Variants in CBX6 observed in about 807,000 individuals in gnomAD.
CBX6 encodes the protein chromobox protein homolog 6.
A neutral mutation model predicts 28.4 loss-of-function variants in CBX6; 7 were observed. The observed-to-expected ratio is 0.25, with a 90% CI of 0.14 to 0.46. The LOEUF is 0.46. Ranked by LOEUF, CBX6 falls within the 20% of genes least tolerant of loss-of-function variation. The pLI, the probability that CBX6 is intolerant of heterozygous loss-of-function variation, is 0.99. For missense variants in CBX6, 512 were observed against 606.1 expected (o/e 0.84, Z 1.63); for synonymous variants, 297 against 273.4 (o/e 1.09, Z -0.85).
Position 38,864,820 on chromosome 22 carries a change from C to A in CBX6, c.*1389G>T, listed in dbSNP as rs113545257. 0.014 allele frequency: 2,087 copies of A among 152,462 alleles called. 53 individuals are homozygous for A. The highest frequency in any genetic ancestry group is 0.048 in the African/African-American group (1,986 of 41,576). 9.4% of individuals were successfully genotyped at this position (152,462 alleles called of 1,614,324 possible). On this transcript the variant is annotated 3_prime_UTR_variant, in exon 5 of 5. Coordinates refer to ENST00000407418, the MANE Select transcript of CBX6 (RefSeq NM_014292.5). Reference sequence around the variant, plus strand: ...CGGGAAGTGGCCCAGGGCTGGCCAGCGGGGCCCCGGTCCCAATTCTGGGAC... The same window carrying A: ...CGGGAAGTGGCCCAGGGCTGGCCAGAGGGGCCCCGGTCCCAATTCTGGGAC...
At position 38,866,338 on chromosome 22, in the gene CBX6, G is replaced by T. The variant is rs2093169314; in HGVS notation, c.1110C>A (p.Val370=). 1 of 1,613,854 alleles carries T rather than the reference G, an allele frequency of 6.2e-7. No individual in the cohort carries two copies. The highest frequency in any genetic ancestry group is 1.3e-5 in the African/African-American group (1 of 74,936). Residue 370 remains valine, a synonymous_variant, in exon 5 of 5, where the codon GTC becomes GTA. Transcript: ENST00000407418. The surrounding 1 kb of genome is among the most constrained non-coding windows in gnomAD (Gnocchi z 7.5). ...TCAGGAGGTTGCTGGTGACATCGGT[G>T]ACGACCACATTGGAGCAGGGTGACA... The part of the protein sequence containing the change: ...PEMSPCSNVV[V]TDVTSNLLTV...
In CBX6 at chr22:38,866,150, C is replaced by CAAG. The variant is rs1184476070; in HGVS notation, c.*56_*58dup. 19 of 1,234,642 alleles carry CAAG rather than the reference C, an allele frequency of 1.5e-5. No homozygotes were observed. In the East Asian group the frequency reaches 4.3e-4, roughly 28 times the overall value. The allele number at this position is 1,234,642 out of a possible 1,614,324, so 76.5% of individuals were successfully genotyped here. A position where few individuals can be genotyped will look rare whatever the true frequency, so the allele number is the denominator to read the frequency against. The stretch of plus-strand genomic sequence containing the variant: ...GCTGGGGGCAAGGGTGGGGTGGGAG[C>CAAG]AAGAGTATGACTTCGGGCAGGAGGG... On this transcript the variant is annotated 3_prime_UTR_variant, in exon 5 of 5. Transcript: ENST00000407418. This position sits in a 1 kb window ranked among gnomAD's most constrained non-coding sequence, Gnocchi z 7.5.
intron 4 of CBX6, 27 bp from the exon 5 acceptor site, chr22:38,867,228 G>GGGGGTGGGGGGC: frequency 1.9e-6 from 1 of 518,864 alleles, no homozygotes; most frequent in Non-Finnish European, 3.6e-6. Context: ...GGGTGGGTGG[G>GGGGGTGGGGGGC]ACCTCAGGAC....
In CBX6 at chr22:38,871,954, CAG is replaced by C. The variant is rs2093183259; in HGVS notation, c.70-11_70-10del. The stretch of plus-strand genomic sequence containing the variant: ...AGGTACTCGATGCGTCCCTGAAAAA[CAG>C]AGGGGAGAAAAACGGGGGTGGGGGT... On this transcript the variant is annotated splice_polypyrimidine_tract_variant and intron_variant, in intron 1 of 4. Transcript: ENST00000407418. This position sits in a 1 kb window ranked among gnomAD's most constrained non-coding sequence, Gnocchi z 5.6. The C allele has an allele frequency of 1.3e-6, 2 of 1,531,154 alleles. No homozygotes were observed. The highest frequency in any genetic ancestry group is 2.8e-5 in the African/African-American group (2 of 71,404). The allele number at this position is 1,531,154 out of a possible 1,614,324, so 94.8% of individuals were successfully genotyped here. A position where few individuals can be genotyped will look rare whatever the true frequency, so the allele number is the denominator to read the frequency against.
rs927745984 is a variant in CBX6, at chr22:38,861,470, C to T, written c.*4739G>A. 18 of 152,202 alleles carry T rather than the reference C, an allele frequency of 1.2e-4. No homozygotes were observed. Among genetic ancestry groups the T allele is most frequent in the Admixed American group, 3.3e-4 (5 of 15,286 alleles). The allele number at this position is 152,202 out of a possible 1,614,324, so 9.4% of individuals were successfully genotyped here. Reference sequence around the variant, plus strand: ...CAACCTAGGGGCTAGGCCTCAGCTTCGGAATGTGACAATTTATTTGGGGGG... The same window carrying T: ...CAACCTAGGGGCTAGGCCTCAGCTTTGGAATGTGACAATTTATTTGGGGGG... On this transcript the variant is annotated 3_prime_UTR_variant, in exon 5 of 5. Coordinates refer to ENST00000407418, the MANE Select transcript of CBX6 (RefSeq NM_014292.5).
At position 38,864,681 on chromosome 22, in the gene CBX6, G is replaced by A. The variant is rs763092331; in HGVS notation, c.*1528C>T. On this transcript the variant is annotated 3_prime_UTR_variant, in exon 5 of 5. Coordinates refer to ENST00000407418, the MANE Select transcript of CBX6 (RefSeq NM_014292.5). ...CCCATTCTTAGGACCAAAGGCGCTA[G>A]GGTTCTGATCGGCCTCCTGCCAACG... 1 of 152,354 alleles carries A rather than the reference G, an allele frequency of 6.6e-6. No homozygotes were observed. Among genetic ancestry groups the A allele is most frequent in the Admixed American group, 6.5e-5 (1 of 15,286 alleles). The allele number at this position is 152,354 out of a possible 1,614,324, so 9.4% of individuals were successfully genotyped here. A position where few individuals can be genotyped will look rare whatever the true frequency, so the allele number is the denominator to read the frequency against.
At position 38,866,462 on chromosome 22, in the gene CBX6, G is replaced by A. The variant is rs764285211; in HGVS notation, c.986C>T (p.Pro329Leu). The change falls in exon 5 of 5, where the codon CCG (proline) becomes CTG (leucine). Residue 329 changes from proline (P) to leucine (L), a missense_variant. By Grantham distance (98) the Pro-to-Leu change is moderately conservative. Transcript: ENST00000407418. This position sits in a 1 kb window ranked among gnomAD's most constrained non-coding sequence, Gnocchi z 7.5. ...GCCGGCAGCAGCTGTGACCTCAGGC[G>A]GTGCCCGCTTGCTGGTGGCTGCCGA... The part of the protein sequence containing the change: ...PESAATSKRA[P>L]PEVTAAAGPA... The A allele has an allele frequency of 2.1e-5, 34 of 1,605,248 alleles. No individual in the cohort carries two copies. Among genetic ancestry groups the A allele is most frequent in the Non-Finnish European group, 2.7e-5 (32 of 1,178,428 alleles).
At chr22:38,868,453 C>A (rs577311051) in intron 4 of CBX6, among the ~76,000 whole-genome samples, 1 of 152,200 alleles carries the variant, frequency 6.6e-6, no homozygotes, top group Non-Finnish European at 1.5e-5. Flanking sequence ...CCTGACTGCA[C>A]CCCAGACAGT....
At position 38,870,128 on chromosome 22, in the gene CBX6, ACTAC is replaced by A. The variant is rs1568997038; in HGVS notation, c.246+1348_246+1351del. 1 of 152,202 alleles carries A rather than the reference ACTAC, an allele frequency of 6.6e-6. No homozygotes were observed. Among genetic ancestry groups the A allele is most frequent in the Non-Finnish European group, 1.5e-5 (1 of 68,044 alleles). 9.4% of individuals were successfully genotyped at this position (152,202 alleles called of 1,614,324 possible). A position where few individuals can be genotyped will look rare whatever the true frequency, so the allele number is the denominator to read the frequency against. ...GCCTTCCCCCTTTAACCTGACATGG[ACTAC>A]TCAAGGCACAAGATGAAGAAAAGGA... On this transcript the variant is annotated intron_variant, in intron 4 of 4. Coordinates refer to ENST00000407418, the MANE Select transcript of CBX6 (RefSeq NM_014292.5). The surrounding 1 kb of genome is among the most constrained non-coding windows in gnomAD (Gnocchi z 4.3).
chr22:38,866,137 G>T lies in CBX6; in HGVS notation c.*72C>A. On this transcript the variant is annotated 3_prime_UTR_variant, in exon 5 of 5. Transcript: ENST00000407418. The surrounding 1 kb of genome is among the most constrained non-coding windows in gnomAD (Gnocchi z 7.5). ...ACAGGGAGAGAGGGCTGGGGGCAAG[G>T]GTGGGGTGGGAGCAAGAGTATGACT... 9.2e-7 allele frequency: 1 copy of T among 1,091,996 alleles called. No homozygotes were observed. Among genetic ancestry groups the T allele is most frequent in the Non-Finnish European group, 1.3e-6 (1 of 757,070 alleles). 67.6% of individuals were successfully genotyped at this position (1,091,996 alleles called of 1,614,324 possible).
In CBX6 at chr22:38,864,212, T is replaced by G. The variant is rs2093164106; in HGVS notation, c.*1997A>C. 1 of 150,380 alleles carries G rather than the reference T, an allele frequency of 6.6e-6. No homozygotes were observed. The highest frequency in any genetic ancestry group is 2.4e-5 in the African/African-American group (1 of 41,186). The allele number at this position is 150,380 out of a possible 1,614,324, so 9.3% of individuals were successfully genotyped here. ...CCCCCCATAGGAATCCCACAATATT[T>G]TTTTCTATTTCTTTTTTTTTTCCTC... is the stretch of plus-strand genomic sequence containing the variant. On this transcript the variant is annotated 3_prime_UTR_variant, in exon 5 of 5. Coordinates refer to ENST00000407418, the MANE Select transcript of CBX6 (RefSeq NM_014292.5).
intron 4 of CBX6, among the ~76,000 whole-genome samples, chr22:38,869,381 G>A (rs888765523): frequency 6.6e-6 from 1 of 152,084 alleles, no homozygotes. Context: ...CCATCACAGG[G>A]CCTACTACGG....
rs1404938520 is a variant in CBX6 at position 38,863,014 on chromosome 22, G to A, written c.*3195C>T. 1.3e-5 allele frequency: 2 copies of A among 152,262 alleles called. No individual in the cohort carries two copies. The highest frequency in any genetic ancestry group is 2.9e-5 in the Non-Finnish European group (2 of 68,054). 9.4% of individuals were successfully genotyped at this position (152,262 alleles called of 1,614,324 possible). On this transcript the variant is annotated 3_prime_UTR_variant, in exon 5 of 5. Transcript: ENST00000407418. Reference sequence around the variant, plus strand: ...CCTCTTCCCAGATCATAGGAAGGATGAGGCTCATTTTGACCTTGACCCCTT... The same window carrying A: ...CCTCTTCCCAGATCATAGGAAGGATAAGGCTCATTTTGACCTTGACCCCTT...
At chr22:38,867,722 C>T (rs939616707) in intron 4 of CBX6, among the ~76,000 whole-genome samples, 16 of 152,206 alleles carry the variant, frequency 1.1e-4, no homozygotes, top group African/African-American at 3.6e-4. Context: ...CCCAATGCCC[C>T]GTACTCTCTC....
At chr22:38,868,082 G>A (rs1201174236) in intron 4 of CBX6, among the ~76,000 whole-genome samples, 2 of 152,182 alleles carry the variant, frequency 1.3e-5, no homozygotes, top group African/African-American at 4.8e-5. Context: ...AAAGCCACAG[G>A]GCTCTCAAGA....
Position 38,871,395 on chromosome 22 carries a change from G to A in CBX6, c.246+85C>T, listed in dbSNP as rs62228813. Reference sequence around the variant, plus strand: ...AAGGCCGGCCCGCTTGGGCGGCCGCGTATCTGTCCCTCCCTTCCAGGCCCC... The same window carrying A: ...AAGGCCGGCCCGCTTGGGCGGCCGCATATCTGTCCCTCCCTTCCAGGCCCC... On this transcript the variant is annotated intron_variant, in intron 4 of 4. Coordinates refer to ENST00000407418, the MANE Select transcript of CBX6 (RefSeq NM_014292.5). The surrounding 1 kb of genome is among the most constrained non-coding windows in gnomAD (Gnocchi z 5.6). 3.8e-4 allele frequency: 525 copies of A among 1,386,080 alleles called. 1 individual carries two copies. Among genetic ancestry groups the A allele is most frequent in the Non-Finnish European group, 4.7e-4 (477 of 1,010,008 alleles). The allele number at this position is 1,386,080 out of a possible 1,614,324, so 85.9% of individuals were successfully genotyped here. A position where few individuals can be genotyped will look rare whatever the true frequency, so the allele number is the denominator to read the frequency against.
In CBX6 at chr22:38,864,211, T is replaced by C. The variant is rs988049580; in HGVS notation, c.*1998A>G. 5 of 150,294 alleles carry C rather than the reference T, an allele frequency of 3.3e-5. No individual in the cohort carries two copies. The highest frequency in any genetic ancestry group is 1.2e-4 in the African/African-American group (5 of 41,144). 9.3% of individuals were successfully genotyped at this position (150,294 alleles called of 1,614,324 possible). A position where few individuals can be genotyped will look rare whatever the true frequency, so the allele number is the denominator to read the frequency against. On this transcript the variant is annotated 3_prime_UTR_variant, in exon 5 of 5. Transcript: ENST00000407418. ...CCCCCCCATAGGAATCCCACAATAT[T>C]TTTTTCTATTTCTTTTTTTTTTCCT...
chr22:38,867,117 G>A lies in CBX6; in HGVS notation c.331C>T (p.His111Tyr), dbSNP rs946972900. 3.8e-6 allele frequency: 6 copies of A among 1,587,422 alleles called. No homozygotes were observed. Among genetic ancestry groups the A allele is most frequent in the Non-Finnish European group, 5.1e-6 (6 of 1,169,602 alleles). ...PSASASSPKL[H>Y]SSAAVHRLKK... ...AGCCGGTGCACGGCTGCGCTGGAGT[G>A]CAGCTTGGGCGAGGAGGCACTGGCG... is the stretch of plus-strand genomic sequence containing the variant. The change falls in exon 5 of 5, where the codon CAC (histidine) becomes TAC (tyrosine). Residue 111 changes from histidine to tyrosine, a missense_variant. Coordinates refer to ENST00000407418, the MANE Select transcript of CBX6 (RefSeq NM_014292.5).
At position 38,865,645 on chromosome 22, in the gene CBX6, G is replaced by A. The variant is rs2093167663; in HGVS notation, c.*564C>T. The A allele has an allele frequency of 2.6e-5, 4 of 156,150 alleles. No homozygotes were observed. The South Asian group carries it at 6.0e-4, about 23-fold the overall frequency. The allele number at this position is 156,150 out of a possible 1,614,324, so 9.7% of individuals were successfully genotyped here. On this transcript the variant is annotated 3_prime_UTR_variant, in exon 5 of 5. Transcript: ENST00000407418. ...GGCATAGGGGGTCTACTTAGGCCTCGTCCAAAATCGAGCAGGGAAGACCCC... is the reference window on the plus strand; with the variant it reads ...GGCATAGGGGGTCTACTTAGGCCTCATCCAAAATCGAGCAGGGAAGACCCC...
Sources: allele counts gnomAD v4.1 joint callset (sites outside exome capture counted in the v4.1 genomes callset), GRCh38; gene constraint gnomAD v4.1.1; non-coding constraint Gnocchi (gnomAD v3.1); transcripts MANE v1.5; gene names NCBI Gene and HGNC (gene_info 2026-07-23, HGNC 2026-07-21).